The following MED1 variants were observed in gnomAD, a reference collection of about 807,000 sequenced individuals.
MED1 encodes the protein mediator complex subunit 1.
A neutral mutation model predicts 121.3 loss-of-function variants in MED1; 17 were observed. That is an observed-to-expected ratio of 0.14 (90% CI 0.10 to 0.21). The LOEUF (loss-of-function observed/expected upper bound fraction) is 0.21. Ranked by LOEUF, MED1 falls within the 10% of genes least tolerant of loss-of-function variation. The pLI, the probability that MED1 is intolerant of heterozygous loss-of-function variation, is 1.00. For missense variants in MED1, 1,558 were observed against 1,919.4 expected (o/e 0.81, Z 3.52); for synonymous variants, 661 against 694.4 (o/e 0.95, Z 0.76).
chr17:39,425,115 A>G (rs1329062428), intron 10 of MED1, among the ~76,000 whole-genome samples: 1 of 152,078 alleles, frequency 6.6e-6, no homozygotes, highest in Non-Finnish European at 1.5e-5. Context: ...TCTTGACTTC[A>G]TGATCCGCCC....
rs781155474 is a variant in MED1, at chr17:39,407,772, G to T, written c.4449C>A (p.Asp1483Glu). The T allele has an allele frequency of 1.2e-6, 2 of 1,614,074 alleles. No homozygotes were observed. The highest frequency in any genetic ancestry group is 1.7e-6 in the Non-Finnish European group (2 of 1,180,036). Residue 1483 changes from aspartate to glutamate, a missense_variant, in exon 17 of 17, where the codon GAC (aspartate) becomes GAA (glutamate). Transcript: ENST00000300651. ...EKSYQNSPSS[D>E]DGIRPLPEYS... ...ATTCTGGAAGTGGTCGGATACCATC[G>T]TCTGAGCTGGGACTATTCTGATAAG...
Position 39,451,149 on chromosome 17 carries a change from CGG to C in MED1, c.-89_-88del. ...GAGGAAACAAGTTGGCTCGGGATCC[CGG>C]GACGCAGGGCACCAGCAGTCCCTAC... On this transcript the variant is annotated 5_prime_UTR_variant, in exon 1 of 17. Coordinates refer to ENST00000300651, the MANE Select transcript of MED1 (RefSeq NM_004774.4). 2 of 1,499,190 alleles carry C rather than the reference CGG, an allele frequency of 1.3e-6. No homozygotes were observed. The highest frequency in any genetic ancestry group is 2.3e-5 in the South Asian group (2 of 86,228). The allele number at this position is 1,499,190 out of a possible 1,614,324, so 92.9% of individuals were successfully genotyped here. A position where few individuals can be genotyped will look rare whatever the true frequency, so the allele number is the denominator to read the frequency against.
At chr17:39,449,507 T>G (rs1017677693) in intron 1 of MED1, among the ~76,000 whole-genome samples, 1 of 114,126 alleles carries the variant, frequency 8.8e-6, no homozygotes, top group Non-Finnish European at 1.9e-5. Context: ...TATTTTCAAT[T>G]TTTTTTCTTT....
Position 39,447,892 on chromosome 17 carries a change from A to T in MED1, c.38T>A (p.Leu13Gln), listed in dbSNP as rs750098957. The T allele has an allele frequency of 6.2e-7, 1 of 1,610,772 alleles. No individual in the cohort carries two copies. Among genetic ancestry groups the T allele is most frequent in the Non-Finnish European group, 8.5e-7 (1 of 1,177,498 alleles). The change falls in exon 2 of 17, where the codon CTG becomes CAG. Residue 13 changes from leucine to glutamine, a missense_variant. By Grantham distance (113) the Leu-to-Gln change is moderately radical. Around this residue, in one of 5 missense-constraint regions of MED1, gnomAD observed 443 missense variants for 532.4 expected, o/e 0.83. Transcript: ENST00000300651. ...TTCCAGGAGAGAACTCATCTTACTC[A>T]GCTTTTCTGACTCTATGATTTAAAT... is the stretch of plus-strand genomic sequence containing the variant. The part of the protein sequence containing the change: ...AQGETEESEK[L>Q]SKMSSLLERL...
At chr17:39,417,058 T>C (rs1198961603) in intron 14 of MED1, among the ~76,000 whole-genome samples, 1 of 151,880 alleles carries the variant, frequency 6.6e-6, no homozygotes, top group Non-Finnish European at 1.5e-5. Context: ...AGTCCAGGCA[T>C]GGTGGCTCAC....
At chr17:39,418,630 T>C (rs2048433178) in intron 14 of MED1, among the ~76,000 whole-genome samples, 1 of 152,148 alleles carries the variant, frequency 6.6e-6, no homozygotes, top group South Asian at 2.1e-4. Context: ...TACATTACTA[T>C]GTTCAGAAAA....
In MED1 at chr17:39,405,203, C is replaced by G. The variant is rs1315263736; in HGVS notation, c.*2272G>C. The G allele has an allele frequency of 1.9e-6, 3 of 1,556,110 alleles. No homozygotes were observed. The highest frequency in any genetic ancestry group is 2.4e-5 in the South Asian group (2 of 84,444). Reference sequence around the variant, plus strand: ...CAGGCAGGGTGAAGCAGTTTAGCCCCGGCTCCCTGTTAAGCAAGTTCAGAT... The same window carrying G: ...CAGGCAGGGTGAAGCAGTTTAGCCCGGGCTCCCTGTTAAGCAAGTTCAGAT... On this transcript the variant is annotated 3_prime_UTR_variant, in exon 17 of 17. Transcript: ENST00000300651.
intron 12 of MED1, 60 bp downstream of exon 12, chr17:39,423,636 GA>G: frequency 1.2e-6 from 2 of 1,607,124 alleles, no homozygotes; most frequent in Non-Finnish European, 1.7e-6. Flanking sequence ...ATGATAACCT[GA>G]CTTTGAAGTT....
At position 39,408,730 on chromosome 17, in the gene MED1, C is replaced by T. The variant is rs753299902; in HGVS notation, c.3491G>A (p.Ser1164Asn). 6.1e-5 allele frequency: 99 copies of T among 1,614,110 alleles called. No homozygotes were observed. The highest frequency in any genetic ancestry group is 8.3e-5 in the Non-Finnish European group (98 of 1,180,048). ...CATCTTGGTGCTGCTAGAGCCACTG[C>T]TCAGTCCATGCTTGGTTATGGGAGA... ...GSSPITKHGLSSGSSSTKMKP... is the reference protein window; with the variant it reads ...GSSPITKHGLNSGSSSTKMKP... Residue 1164 changes from serine (S) to asparagine (N), a missense_variant, in exon 17 of 17, where the codon AGC becomes AAC. Around this residue, in one of 5 missense-constraint regions of MED1, gnomAD observed 793 missense variants for 898.2 expected, o/e 0.88. Coordinates refer to ENST00000300651, the MANE Select transcript of MED1 (RefSeq NM_004774.4). The surrounding 1 kb of genome is among the most constrained non-coding windows in gnomAD (Gnocchi z 4.7).
intron 13 of MED1, 67 bp from the exon 14 acceptor site, chr17:39,419,985 T>C (rs1481905389): frequency 9.9e-6 from 14 of 1,413,076 alleles, no homozygotes; most frequent in East Asian, 2.3e-5. Flanking sequence ...CAAAGTATCC[T>C]GAAAAAACCT....
At chr17:39,439,398 T>C (rs2048650816) in intron 5 of MED1, among the ~76,000 whole-genome samples, 1 of 152,224 alleles carries the variant, frequency 6.6e-6, no homozygotes, top group Non-Finnish European at 1.5e-5. Flanking sequence ...AGTCAAAGCA[T>C]ATGAAATAGT....
At position 39,408,182 on chromosome 17, in the gene MED1, A is replaced by G. The variant is rs1414191810; in HGVS notation, c.4039T>C (p.Ser1347Pro). Residue 1347 changes from serine (S) to proline (P), a missense_variant, in exon 17 of 17, where the codon TCA (serine) becomes CCA (proline). Ser to Pro is a moderately conservative substitution (Grantham distance 74, BLOSUM62 -1). Around this residue, in one of 5 missense-constraint regions of MED1, gnomAD observed 264 missense variants for 326.1 expected, o/e 0.81. Coordinates refer to ENST00000300651, the MANE Select transcript of MED1 (RefSeq NM_004774.4). This position sits in a 1 kb window ranked among gnomAD's most constrained non-coding sequence, Gnocchi z 4.7. ...CGCTTGCCCTGAAACTCTCCTCCTG[A>G]CATGTTATGTTTGGAGGACATAGGA... ...SHPMSSKHNMSGGEFQGKREK... is the reference protein window; with the variant it reads ...SHPMSSKHNMPGGEFQGKREK... The G allele has an allele frequency of 6.2e-7, 1 of 1,613,972 alleles. No individual in the cohort carries two copies. The highest frequency in any genetic ancestry group is 1.1e-5 in the South Asian group (1 of 91,072).
intron 8 of MED1, 32 bp downstream of exon 8, chr17:39,431,910 A>T (rs2048568326): frequency 6.7e-7 from 1 of 1,483,564 alleles, no homozygotes; most frequent in Non-Finnish European, 9.4e-7. Context: ...AACTCAAGGG[A>T]TCATGTAGAA....
Position 39,405,041 on chromosome 17 carries a change from A to G in MED1, c.*2434T>C. On this transcript the variant is annotated 3_prime_UTR_variant, in exon 17 of 17. Coordinates refer to ENST00000300651, the MANE Select transcript of MED1 (RefSeq NM_004774.4). ...AAGACACCAGCAGCAGAAGATAGGT[A>G]GAAGTTGACTTCATGTCCTTGCCTT... is the stretch of plus-strand genomic sequence containing the variant. 1.6e-6 allele frequency: 1 copy of G among 608,872 alleles called. No individual in the cohort carries two copies. Among genetic ancestry groups the G allele is most frequent in the Non-Finnish European group, 2.7e-6 (1 of 374,792 alleles). 37.7% of individuals were successfully genotyped at this position (608,872 alleles called of 1,614,324 possible).
At position 39,406,258 on chromosome 17, in the gene MED1, A is replaced by G; in HGVS notation, c.*1217T>C. 7 of 985,556 alleles carry G rather than the reference A, an allele frequency of 7.1e-6. No homozygotes were observed. Among genetic ancestry groups the G allele is most frequent in the Non-Finnish European group, 8.4e-6 (7 of 829,934 alleles). The allele number at this position is 985,556 out of a possible 1,614,324, so 61.1% of individuals were successfully genotyped here. A position where few individuals can be genotyped will look rare whatever the true frequency, so the allele number is the denominator to read the frequency against. ...CCATTACTTCAAAAGTGAGCTTGAA[A>G]TTGTTTTAAGTGAACTATGGCTGCG... On this transcript the variant is annotated 3_prime_UTR_variant, in exon 17 of 17. Coordinates refer to ENST00000300651, the MANE Select transcript of MED1 (RefSeq NM_004774.4).
Position 39,451,021 on chromosome 17 carries a change from C to T in MED1, c.25+17G>A. On this transcript the variant is annotated intron_variant, in intron 1 of 16. Coordinates refer to ENST00000300651, the MANE Select transcript of MED1 (RefSeq NM_004774.4). ...CCAGTTGTGTCCCGCCCCCTCCTTT[C>T]CCCTACAGTCACTTACCCTCGGTTT... is the stretch of plus-strand genomic sequence containing the variant. 3 of 1,607,598 alleles carry T rather than the reference C, an allele frequency of 1.9e-6. No individual in the cohort carries two copies. The highest frequency in any genetic ancestry group is 2.6e-6 in the Non-Finnish European group (3 of 1,176,196).
chr17:39,412,159 A>G (rs1221566495), intron 16 of MED1, among the ~76,000 whole-genome samples: 1 of 152,026 alleles, frequency 6.6e-6, no homozygotes, highest in African/African-American at 2.4e-5. Flanking sequence ...TTTTCCAGAT[A>G]AATTTATATT....
chr17:39,413,640 G>A (rs1019242501), intron 16 of MED1, among the ~76,000 whole-genome samples: 1 of 151,874 alleles, frequency 6.6e-6, no homozygotes, highest in Non-Finnish European at 1.5e-5. Flanking sequence ...AGGTCTAGGT[G>A]GAAGGATAAC....
chr17:39,450,174 T>A lies in MED1; in HGVS notation c.25+864A>T, dbSNP rs368540910. On this transcript the variant is annotated intron_variant, in intron 1 of 16. Transcript: ENST00000300651. ...TATGTTGCCCAGGCTGGTCGCGAAC[T>A]CCTGGGCTCCAGGGATCCTCCAGCC... 3.9e-5 allele frequency among the ~76,000 whole-genome samples: 6 copies of A among 152,128 alleles called. No homozygotes were observed. The East Asian group carries it at 9.7e-4, about 25-fold the overall frequency.
Sources: gnomAD v4.1 joint callset for allele counts (sites outside exome capture counted in the v4.1 genomes callset) on GRCh38, gnomAD v4.1.1 for gene constraint, gnomAD v4.1.1 regional missense constraint, Gnocchi (gnomAD v3.1) non-coding constraint, MANE v1.5 for transcripts, NCBI Gene and HGNC (gene_info 2026-07-23, HGNC 2026-07-21) for gene names.